Variants in ALK observed in about 807,000 individuals in gnomAD.
ALK encodes ALK receptor tyrosine kinase.
ALK carries 74 observed loss-of-function variants against 163.1 expected under a neutral mutation model. The observed-to-expected ratio is 0.45, with a 90% CI of 0.38 to 0.55. ALK has a LOEUF of 0.55. ALK is among the 20% of genes least tolerant of loss of function. ALK has a pLI of 0.00. For synonymous variants in ALK, 960 were observed against 843.2 expected, an observed-to-expected ratio of 1.14 and a Z score of -2.40; for missense variants, 2,063 against 2,105.3, an observed-to-expected ratio of 0.98 and a Z score of 0.39.
At chr2:29,900,458 T>C (rs1347041105) in intron 1 of ALK, among the ~76,000 whole-genome samples, 1 of 152,234 alleles carries the variant, frequency 6.6e-6, no homozygotes, top group African/African-American at 2.4e-5. Context: ...GCTTCCTCAC[T>C]CCTTTCTCCT....
intron 11 of ALK, among the ~76,000 whole-genome samples, chr2:29,254,329 ATG>A (rs145226086): frequency 0.011 from 1,699 of 152,118 alleles, 29 homozygotes; most frequent in African/African-American, 0.038. Flanking sequence ...GAATACATAT[ATG>A]TGTGTGTGTG....
At chr2:29,233,846 T>G in intron 13 of ALK, 150 bp from the exon 14 acceptor site, 1 of 958,978 alleles carries the variant, frequency 1.0e-6, no homozygotes, top group Non-Finnish European at 1.6e-6. Context: ...TACCAATAAC[T>G]GTCACTCTGG....
intron 3 of ALK, among the ~76,000 whole-genome samples, chr2:29,602,559 G>GGT (rs527913873): frequency 1.3e-5 from 2 of 152,218 alleles, no homozygotes; most frequent in East Asian, 3.9e-4. Flanking sequence ...CTAACAAGGT[G>GGT]GTGGTAGAAC....
chr2:29,861,133 T>C (rs955024350), intron 1 of ALK, among the ~76,000 whole-genome samples: 6 of 152,028 alleles, frequency 3.9e-5, no homozygotes, highest in African/African-American at 1.2e-4. Flanking sequence ...AATTGTACCA[T>C]TGCACTCCAG....
At chr2:29,404,659 G>T (rs182511266) in intron 4 of ALK, among the ~76,000 whole-genome samples, 2 of 152,178 alleles carry the variant, frequency 1.3e-5, no homozygotes, top group East Asian at 1.9e-4. Context: ...TATAGTGTGC[G>T]CCAGGCATTG....
chr2:29,891,442 C>G (rs867292397), intron 1 of ALK, among the ~76,000 whole-genome samples: 8 of 152,156 alleles, frequency 5.3e-5, no homozygotes, highest in African/African-American at 9.7e-5. Context: ...GTTGACATAA[C>G]ACTTATCTGC....
chr2:29,611,402 A>G (rs1392026575), intron 3 of ALK, among the ~76,000 whole-genome samples: 1 of 152,212 alleles, frequency 6.6e-6, no homozygotes, highest in Non-Finnish European at 1.5e-5. Flanking sequence ...ATCAAAAAGT[A>G]AACACTTTCA....
intron 4 of ALK, among the ~76,000 whole-genome samples, chr2:29,513,197 T>C (rs1335300541): frequency 1.4e-5 from 2 of 144,078 alleles, no homozygotes; most frequent in African/African-American, 2.7e-5. Context: ...GCCAAGTCAA[T>C]CCTAAGCCAA....
chr2:29,446,114 AAAAAAAAAAAAAG>A (rs1670672842), intron 4 of ALK, among the ~76,000 whole-genome samples: 2 of 135,286 alleles, frequency 1.5e-5, no homozygotes, highest in Non-Finnish European at 3.2e-5. Flanking sequence ...AAAAAAAAAA[AAAAAAAAAAAAAG>A]TGAAGCGCTG....
At chr2:29,514,791 AT>A (rs146386823) in intron 4 of ALK, among the ~76,000 whole-genome samples, 11 of 152,258 alleles carry the variant, frequency 7.2e-5, no homozygotes, top group Non-Finnish European at 1.6e-4. Flanking sequence ...TCTCTTGTAC[AT>A]ATCTGCAAGT....
intron 1 of ALK, among the ~76,000 whole-genome samples, chr2:29,781,777 A>G (rs981936607): frequency 6.6e-6 from 1 of 152,186 alleles, no homozygotes; most frequent in Non-Finnish European, 1.5e-5. Context: ...TCTCTAGCCA[A>G]ATTCTCCATG....
intron 3 of ALK, among the ~76,000 whole-genome samples, chr2:29,648,235 GA>G (rs1676940483): frequency 6.6e-6 from 1 of 152,226 alleles, no homozygotes; most frequent in African/African-American, 2.4e-5. Context: ...TAAATAATTT[GA>G]AAAATCAGTT....
intron 23 of ALK, among the ~76,000 whole-genome samples, chr2:29,214,345 C>T (rs1051664980): frequency 1.3e-5 from 2 of 152,152 alleles, no homozygotes; most frequent in African/African-American, 2.4e-5. Flanking sequence ...CAGCGTGCAG[C>T]GAAGGCTCGG....
intron 5 of ALK, among the ~76,000 whole-genome samples, chr2:29,346,529 G>A (rs886752273): frequency 7.9e-5 from 12 of 152,224 alleles, no homozygotes; most frequent in African/African-American, 2.7e-4. Flanking sequence ...AGGCTGGGGC[G>A]AGGTTTCTGA....
intron 3 of ALK, among the ~76,000 whole-genome samples, chr2:29,597,790 G>A (rs923369214): frequency 6.6e-6 from 1 of 152,206 alleles, no homozygotes; most frequent in Non-Finnish European, 1.5e-5. Context: ...CAAGGGAGGA[G>A]ACACAGAATG....
chr2:29,563,943 G>T (rs955251496), intron 3 of ALK, among the ~76,000 whole-genome samples: 1 of 152,148 alleles, frequency 6.6e-6, no homozygotes, highest in African/African-American at 2.4e-5. Context: ...AACATTTGTG[G>T]TCACCTGCCA....
chr2:29,251,810 G>A lies in ALK; in HGVS notation c.2042-543C>T, dbSNP rs564890942. On this transcript the variant is annotated intron_variant, in intron 11 of 28. Transcript: ENST00000389048. Reference sequence around the variant, plus strand: ...TTAGCTTGGAGACAATTGAAAAAGAGAATTGAAAGCTCGGTGATGCTACAT... The same window carrying A: ...TTAGCTTGGAGACAATTGAAAAAGAAAATTGAAAGCTCGGTGATGCTACAT... Among the ~76,000 whole-genome samples the A allele has an allele frequency of 2.6e-5, 4 of 152,308 alleles. No homozygotes were observed. In the East Asian group the frequency reaches 7.7e-4, roughly 29 times the overall value.
intron 4 of ALK, among the ~76,000 whole-genome samples, chr2:29,394,012 C>T (rs1558305299): frequency 6.6e-6 from 1 of 152,174 alleles, no homozygotes; most frequent in Non-Finnish European, 1.5e-5. Flanking sequence ...GAAATGGATA[C>T]TGAACATCAT....
At chr2:29,269,399 G>A (rs558159633) in intron 11 of ALK, among the ~76,000 whole-genome samples, 2 of 152,294 alleles carry the variant, frequency 1.3e-5, no homozygotes, top group South Asian at 2.1e-4. Context: ...GCTCTCCAGC[G>A]TGAAAGCCTC....
Sources: allele counts gnomAD v4.1 joint callset (sites outside exome capture counted in the v4.1 genomes callset), GRCh38; gene constraint gnomAD v4.1.1; transcripts MANE v1.5; gene names NCBI Gene and HGNC (gene_info 2026-07-23, HGNC 2026-07-21).